KRT26: variants seen among roughly 807,000 people sequenced by gnomAD.
KRT26 encodes keratin, type I cytoskeletal 26.
KRT26 carries 45 observed loss-of-function variants against 46.1 expected under a neutral mutation model. That is an observed-to-expected ratio of 0.98 (90% CI 0.77 to 1.25). KRT26 has a LOEUF of 1.25. KRT26 is among the 50% of genes most tolerant of loss of function. The pLI is 0.00. For synonymous variants in KRT26, 191 were observed against 209.9 expected, an observed-to-expected ratio of 0.91 and a Z score of 0.78; for missense variants, 582 against 560.1, an observed-to-expected ratio of 1.04 and a Z score of -0.39.
chr17:40,770,185 C>A (rs148011392), intron 3 of KRT26, 63 bp from the exon 4 acceptor site: 1 of 1,610,320 alleles, frequency 6.2e-7, no homozygotes, highest in African/African-American at 1.3e-5. Flanking sequence ...TGCCCTGCTA[C>A]GAAATGAACA....
At chr17:40,769,118 G>C in intron 5 of KRT26, 22 bp from the exon 6 acceptor site, 1 of 1,471,242 alleles carries the variant, frequency 6.8e-7, no homozygotes, top group East Asian at 2.3e-5. Context: ...GCAAAGTGAA[G>C]CTTGAATGTG....
intron 3 of KRT26, 44 bp from the exon 4 acceptor site, chr17:40,770,166 T>G: frequency 1.2e-6 from 2 of 1,612,694 alleles, no homozygotes; most frequent in Non-Finnish European, 1.7e-6. Flanking sequence ...GGATTTTGAT[T>G]GATGTTCATG....
intron 6 of KRT26, among the ~76,000 whole-genome samples, chr17:40,767,951 T>C (rs1305135954): frequency 2.0e-5 from 3 of 152,164 alleles, no homozygotes; most frequent in African/African-American, 7.2e-5. Context: ...GTGCCTACCA[T>C]GAAAAAGGTG....
intron 6 of KRT26, 123 bp downstream of exon 6, chr17:40,768,756 C>T: frequency 7.1e-6 from 4 of 563,990 alleles, no homozygotes; most frequent in Middle Eastern, 4.7e-4. Flanking sequence ...ATATACATTC[C>T]TGAGGATAAA....
exon 6 of KRT26, chr17:40,769,051 A>G (rs1227054817): frequency 6.2e-7 from 1 of 1,614,088 alleles, no homozygotes; most frequent in African/African-American, 1.3e-5. Flanking sequence ...AGTTGATTGC[A>G]GTAATTTCCT....
intron 2 of KRT26, among the ~76,000 whole-genome samples, chr17:40,770,642 A>G (rs1386086581): frequency 1.3e-5 from 2 of 152,220 alleles, no homozygotes; most frequent in South Asian, 4.1e-4. Flanking sequence ...ACAATTAAAT[A>G]AAATATTGCT....
intron 7 of KRT26, among the ~76,000 whole-genome samples, 198 bp from the exon 8 acceptor site, chr17:40,766,864 C>T (rs900570775): frequency 4.6e-5 from 7 of 152,022 alleles, no homozygotes; most frequent in Non-Finnish European, 8.8e-5. Flanking sequence ...CTCAGTCTCC[C>T]GAGTAGCTGG....
chr17:40,770,683 CTCT>C (rs767388703), intron 2 of KRT26, among the ~76,000 whole-genome samples: 1 of 152,096 alleles, frequency 6.6e-6, no homozygotes, highest in Non-Finnish European at 1.5e-5. Flanking sequence ...TATGTGATTG[CTCT>C]TTTTTGTTGT....
rs1051587212 is a variant in KRT26, at chr17:40,770,325, A to G, written c.609T>C (p.Cys203=). 3 of 1,614,162 alleles carry G rather than the reference A, an allele frequency of 1.9e-6. No individual in the cohort carries two copies. In the Admixed American group the frequency reaches 5.0e-5, roughly 27 times the overall value. Residue 203 remains cysteine (C), a synonymous_variant, in exon 3 of 8, where the codon TGT becomes TGC. Transcript: ENST00000335552. Reference sequence around the variant, plus strand: ...CACACTGTATCTCCAGGTCGGTTGTACAAAGGGTCAGTTCATCCAACACTC... The same window carrying G: ...CACACTGTATCTCCAGGTCGGTTGTGCAAAGGGTCAGTTCATCCAACACTC...
chr17:40,766,470 C>G, exon 8 of KRT26: 168 of 1,325,022 alleles, frequency 1.3e-4, no homozygotes, highest in Non-Finnish European at 1.6e-4. Context: ...CTTTCTTTCT[C>G]TCTCTCTCTC....
exon 6 of KRT26, chr17:40,769,030 G>T: frequency 6.2e-7 from 1 of 1,613,956 alleles, no homozygotes; most frequent in Non-Finnish European, 8.5e-7. Context: ...ATCTGATCCT[G>T]AATTTGCTGG....
intron 6 of KRT26, 110 bp downstream of exon 6, chr17:40,768,769 T>A (rs1305455311): frequency 1.7e-6 from 1 of 597,624 alleles, no homozygotes; most frequent in Non-Finnish European, 2.9e-6. Context: ...AGGATAAATA[T>A]GTATGATCTC....
chr17:40,770,396 G>A, exon 3 of KRT26: 5 of 1,589,994 alleles, frequency 3.1e-6, no homozygotes, highest in Admixed American at 1.8e-5. Context: ...TGCAGAGCCA[G>A]CTCATTTTCA....
At chr17:40,767,335 A>G (rs2038179853) in intron 7 of KRT26, among the ~76,000 whole-genome samples, 1 of 152,250 alleles carries the variant, frequency 6.6e-6, no homozygotes, top group Non-Finnish European at 1.5e-5. Context: ...TATGAAAGAT[A>G]ATACATTCCA....
rs144182384 is a variant in KRT26 at position 40,769,964 on chromosome 17, C to T, written c.840G>A (p.Glu280=). 28 of 1,614,088 alleles carry T rather than the reference C, an allele frequency of 1.7e-5. No homozygotes were observed. The African/African-American group carries it at 3.1e-4, about 18-fold the overall frequency. The change falls in exon 4 of 8, where the codon GAG becomes GAA. Residue 280 remains glutamate, a synonymous_variant. Transcript: ENST00000335552. ...TTGTAATTTGCCATAGACCTACCCT[C>T]TCGTTGAACCAGGCTTCAGCATCTT... is the stretch of plus-strand genomic sequence containing the variant.
At chr17:40,770,004 G>A (rs2038207470) in exon 4 of KRT26, 1 of 1,614,150 alleles carries the variant, frequency 6.2e-7, no homozygotes, top group Non-Finnish European at 8.5e-7. Flanking sequence ...GTTCTGCTCA[G>A]CCAAGTCCTC....
At chr17:40,771,819 C>G (rs1301248824) in exon 1 of KRT26, 1 of 1,614,030 alleles carries the variant, frequency 6.2e-7, no homozygotes, top group African/African-American at 1.3e-5. Flanking sequence ...TGCACATGGT[C>G]CAGGTAGGAT....
chr17:40,769,955 A>C lies in KRT26; in HGVS notation c.843+6T>G. 1 of 1,614,060 alleles carries C rather than the reference A, an allele frequency of 6.2e-7. No homozygotes were observed. Among genetic ancestry groups the C allele is most frequent in the Non-Finnish European group, 8.5e-7 (1 of 1,179,994 alleles). ...GCAAGCCCTTTGTAATTTGCCATAG[A>C]CCTACCCTCTCGTTGAACCAGGCTT... On this transcript the variant is annotated splice_donor_region_variant and intron_variant, in intron 4 of 7. Coordinates refer to ENST00000335552, the Ensembl canonical transcript of KRT26.
rs1433891764 is a variant in KRT26 at position 40,769,762 on chromosome 17, T to C, written c.961A>G (p.Met321Val). 1.9e-6 allele frequency: 3 copies of C among 1,614,062 alleles called. No homozygotes were observed. The highest frequency in any genetic ancestry group is 1.6e-4 in the Middle Eastern group (1 of 6,084). The stretch of plus-strand genomic sequence containing the variant: ...TGGCGATTCCTACGTACCACAGCCA[T>C]GAGGGACTGAAGTTCTATTTCCAGG... The change falls in exon 5 of 8, where the codon ATG (methionine) becomes GTG (valine). Residue 321 changes from methionine to valine, a missense_variant. Coordinates refer to ENST00000335552, the Ensembl canonical transcript of KRT26.
Sources: allele counts gnomAD v4.1 joint callset (sites outside exome capture counted in the v4.1 genomes callset), GRCh38; gene constraint gnomAD v4.1.1; transcripts MANE v1.5; gene names NCBI Gene and HGNC (gene_info 2026-07-23, HGNC 2026-07-21).